Variants in MAF observed in about 807,000 individuals in gnomAD.
MAF encodes the protein MAF bZIP transcription factor.
A neutral mutation model predicts 22.0 loss-of-function variants in MAF; 10 were observed. That is an observed-to-expected ratio of 0.45 (90% CI 0.28 to 0.77). The LOEUF (loss-of-function observed/expected upper bound fraction) is 0.77. Ranked by LOEUF, MAF falls within the 30% of genes least tolerant of loss-of-function variation. The pLI, the probability that MAF is intolerant of heterozygous loss-of-function variation, is 0.12. For synonymous variants in MAF, 337 were observed against 255.8 expected, an observed-to-expected ratio of 1.32 and a Z score of -3.03; for missense variants, 544 against 548.4, an observed-to-expected ratio of 0.99 and a Z score of 0.08.
At chr16:79,431,676 G>A in the MAF span, among the ~76,000 whole-genome samples, 2 of 152,070 alleles carry the variant, frequency 1.3e-5, no homozygotes, top group Admixed American at 1.3e-4. Context: ...TGTGTTTTCC[G>A]ACTCAAAGGC....
the MAF span, among the ~76,000 whole-genome samples, chr16:79,402,149 G>A: frequency 6.6e-6 from 1 of 152,136 alleles, no homozygotes; most frequent in African/African-American, 2.4e-5. Flanking sequence ...GAATTTTTCT[G>A]AGCCTCTGTT....
chr16:79,423,906 C>T, the MAF span, among the ~76,000 whole-genome samples: 10 of 152,142 alleles, frequency 6.6e-5, no homozygotes, highest in African/African-American at 9.7e-5. Flanking sequence ...TTCAGGTTCT[C>T]GAGTCTGGTA....
At chr16:79,366,035 G>A in the MAF span, among the ~76,000 whole-genome samples, 2 of 152,074 alleles carry the variant, frequency 1.3e-5, no homozygotes, top group Non-Finnish European at 2.9e-5. Flanking sequence ...CTGCCTTTTT[G>A]TCTTGGTTTC....
chr16:79,331,908 G>T, the MAF span, among the ~76,000 whole-genome samples: 1 of 152,134 alleles, frequency 6.6e-6, no homozygotes, highest in Non-Finnish European at 1.5e-5. Flanking sequence ...TGACCAACCA[G>T]TACAGTGGCA....
chr16:79,438,573 G>A, the MAF span, among the ~76,000 whole-genome samples: 3 of 152,130 alleles, frequency 2.0e-5, no homozygotes, highest in African/African-American at 7.2e-5. Flanking sequence ...ATCTTCCCGG[G>A]AACCTCGAGG....
chr16:79,238,378 C>A, the MAF span, among the ~76,000 whole-genome samples: 1 of 151,994 alleles, frequency 6.6e-6, no homozygotes, highest in African/African-American at 2.4e-5. Flanking sequence ...TATCTAAGAG[C>A]GGGGGCACTG....
At chr16:79,249,505 A>G in the MAF span, among the ~76,000 whole-genome samples, 7 of 151,948 alleles carry the variant, frequency 4.6e-5, no homozygotes, top group African/African-American at 1.7e-4. Flanking sequence ...TCTTTGGGGA[A>G]CAGGCCCTCA....
the MAF span, among the ~76,000 whole-genome samples, chr16:79,320,475 A>G: frequency 1.3e-5 from 2 of 152,200 alleles, no homozygotes; most frequent in East Asian, 3.9e-4. Context: ...ATGTAGGCCC[A>G]TCTGTGGGCT....
At chr16:79,210,790 A>G in the MAF span, among the ~76,000 whole-genome samples, 14 of 152,124 alleles carry the variant, frequency 9.2e-5, no homozygotes, top group African/African-American at 3.1e-4. Flanking sequence ...TTTGGATGAT[A>G]TGATGCCTCA....
chr16:79,460,500 A>T, the MAF span, among the ~76,000 whole-genome samples: 1 of 152,180 alleles, frequency 6.6e-6, no homozygotes, highest in Non-Finnish European at 1.5e-5. Context: ...CAACATTATG[A>T]TATTTTTAAG....
chr16:79,212,199 A>G, the MAF span: 1 of 1,453,904 alleles, frequency 6.9e-7, no homozygotes, highest in Non-Finnish European at 9.0e-7. Flanking sequence ...GCCTTCTCCT[A>G]CTTAGGGAAG....
At chr16:79,531,258 G>A in the MAF span, among the ~76,000 whole-genome samples, 1 of 152,128 alleles carries the variant, frequency 6.6e-6, no homozygotes, top group Non-Finnish European at 1.5e-5. Flanking sequence ...GTGGAGTTAA[G>A]ATGAGATAAC....
the MAF span, among the ~76,000 whole-genome samples, chr16:79,471,699 A>T: frequency 6.6e-6 from 1 of 152,250 alleles, no homozygotes; most frequent in South Asian, 2.1e-4. Flanking sequence ...AAACAAAAAA[A>T]CCCAAACAAG....
At chr16:79,349,812 C>T in the MAF span, among the ~76,000 whole-genome samples, 3 of 152,190 alleles carry the variant, frequency 2.0e-5, no homozygotes, top group Admixed American at 2.0e-4. Context: ...CTTGCCTGTG[C>T]GTTGTGAAAG....
intron 1 of MAF, chr16:79,595,024 A>G: frequency 9.5e-7 from 1 of 1,057,638 alleles, no homozygotes; most frequent in South Asian, 4.5e-5. Flanking sequence ...TCTTATTTTG[A>G]GAATGTTTGC....
chr16:79,333,196 G>A, the MAF span, among the ~76,000 whole-genome samples: 1 of 152,134 alleles, frequency 6.6e-6, no homozygotes, highest in Non-Finnish European at 1.5e-5. Context: ...TCTTTGGCTC[G>A]CTGGACCAGA....
chr16:79,520,314 C>T, the MAF span, among the ~76,000 whole-genome samples: 3 of 152,224 alleles, frequency 2.0e-5, no homozygotes, highest in Admixed American at 1.3e-4. Context: ...CTAAGAGACC[C>T]TTCAGTGTCT....
At chr16:79,408,596 C>T in the MAF span, among the ~76,000 whole-genome samples, 2,335 of 58,120 alleles carry the variant, frequency 0.04, 56 homozygotes, top group African/African-American at 0.12. Context: ...TTCTTCCTTC[C>T]TTCATTCTTG....
chr16:79,391,669 TG>T, the MAF span, among the ~76,000 whole-genome samples: 710 of 152,158 alleles, frequency 4.7e-3, 5 homozygotes, highest in African/African-American at 0.016. Flanking sequence ...GAAACGTAGG[TG>T]GGCATCCGCC....
Sources: gnomAD v4.1 joint callset for allele counts (sites outside exome capture counted in the v4.1 genomes callset) on GRCh38, gnomAD v4.1.1 for gene constraint, MANE v1.5 for transcripts, NCBI Gene and HGNC (gene_info 2026-07-23, HGNC 2026-07-21) for gene names.